DOCK11: variants seen among roughly 807,000 people sequenced by gnomAD.
The protein encoded by DOCK11 is dedicator of cytokinesis 11.
Under a neutral mutation model 169.1 loss-of-function variants are expected in DOCK11, and 70 were observed. That is an observed-to-expected ratio of 0.41 (90% CI 0.34 to 0.51). The LOEUF is 0.51. Among genes scored for constraint, DOCK11 ranks in the 20% least tolerant of loss-of-function variants. The pLI is 0.10. For missense variants in DOCK11, 1,166 were observed against 1,538.8 expected (o/e 0.76, Z 4.05); for synonymous variants, 529 against 541.3 (o/e 0.98, Z 0.32).
At chrX:118,545,244 T>A in intron 4 of DOCK11, 79 bp from the exon 5 acceptor site, 1 of 670,895 alleles carries the variant, frequency 1.5e-6, no homozygotes, top group Non-Finnish European at 2.2e-6. Context: ...GTTGTTGTCA[T>A]TATTGTTGTG....
chrX:118,535,040 C>T (rs150501732), intron 1 of DOCK11, among the ~76,000 whole-genome samples: 17 of 112,095 alleles, frequency 1.5e-4, no homozygotes, highest in African/African-American at 5.5e-4. Context: ...GCTCTCTAAG[C>T]CAGTCATGTT....
At position 118,528,518 on chromosome X, in the gene DOCK11, A is replaced by C. The variant is rs919300651; in HGVS notation, c.103-14207A>C. ...AGAATGTACAGGAGAAGGTGTAGAC[A>C]TAGTTTTGTCTGTGTCAGACACCTT... On this transcript the variant is annotated intron_variant, in intron 1 of 52. Transcript: ENST00000276202. Among the ~76,000 whole-genome samples the C allele has an allele frequency of 8.1e-5, 9 of 111,615 alleles. No homozygotes were observed. In the East Asian group the frequency reaches 8.4e-4, roughly 10 times the overall value.
chrX:118,614,682 G>C lies in DOCK11; in HGVS notation c.3097-10G>C. 8.8e-7 allele frequency: 1 copy of C among 1,136,388 alleles called. No individual in the cohort carries two copies. The allele number at this position is 1,136,388 out of a possible 1,213,427, so 93.7% of individuals were successfully genotyped here. ...GTAATTAACCCTTAGTTTTGTTTTG[G>C]TTTCTATAGCGCTGTTTGACACTAA... On this transcript the variant is annotated splice_polypyrimidine_tract_variant and intron_variant, in intron 28 of 52. Transcript: ENST00000276202.
chrX:118,638,216 T>C, intron 37 of DOCK11, 89 bp downstream of exon 37: 3 of 838,061 alleles, frequency 3.6e-6, no homozygotes, highest in Non-Finnish European at 5.2e-6. Context: ...CTAGGTTGCA[T>C]ACTTTGAGTT....
At chrX:118,576,517 G>A in intron 12 of DOCK11, among the ~76,000 whole-genome samples, 1 of 111,932 alleles carries the variant, frequency 8.9e-6, no homozygotes, top group Non-Finnish European at 1.9e-5. Context: ...GGACATCTCT[G>A]TGCCTCAGCA....
chrX:118,648,732 A>G (rs1300227357), intron 40 of DOCK11, among the ~76,000 whole-genome samples: 1 of 106,437 alleles, frequency 9.4e-6, no homozygotes, highest in Non-Finnish European at 1.9e-5. Context: ...TCTTTGTAAT[A>G]ACTTATATAC....
chrX:118,677,635 G>A (rs1261329977), intron 48 of DOCK11, among the ~76,000 whole-genome samples: 3 of 112,590 alleles, frequency 2.7e-5, no homozygotes, highest in East Asian at 2.8e-4. Context: ...TGTCTACCAC[G>A]AAAATAATCT....
chrX:118,532,840 C>T (rs1027957550), intron 1 of DOCK11, among the ~76,000 whole-genome samples: 6 of 103,610 alleles, frequency 5.8e-5, no homozygotes, highest in Admixed American at 1.0e-4. Context: ...ACAGGATAAA[C>T]GTAAATCACC....
At chrX:118,619,078 C>T (rs1441934433) in intron 31 of DOCK11, among the ~76,000 whole-genome samples, 3 of 107,998 alleles carry the variant, frequency 2.8e-5, no homozygotes, top group Non-Finnish European at 3.8e-5. Context: ...AGACTGGTCT[C>T]GAACTCCTGG....
At chrX:118,544,775 C>T (rs1297247547) in intron 4 of DOCK11, among the ~76,000 whole-genome samples, 3 of 102,388 alleles carry the variant, frequency 2.9e-5, no homozygotes, top group Non-Finnish European at 5.9e-5. Flanking sequence ...ATTCTTCTGC[C>T]TCAGCCTCCT....
At chrX:118,684,791 A>T (rs922898217) in intron 52 of DOCK11, among the ~76,000 whole-genome samples, 2 of 111,323 alleles carry the variant, frequency 1.8e-5, no homozygotes, top group Non-Finnish European at 3.8e-5. Context: ...ATGAGTTAAT[A>T]TTTTTGTAAG....
chrX:118,612,463 G>A (rs2014707488), intron 28 of DOCK11, among the ~76,000 whole-genome samples: 1 of 111,934 alleles, frequency 8.9e-6, no homozygotes, highest in Non-Finnish European at 1.9e-5. Context: ...GAACATTTTT[G>A]GTTTAGTAGC....
Position 118,641,222 on chromosome X carries a change from C to T in DOCK11, c.4177C>T (p.Gln1393Ter). Reference sequence around the variant, plus strand: ...AACAACTGAAGCAGACATTTTCCACCAGGCACTTCTTGAAGGCAATACAGC... The same window carrying T: ...AACAACTGAAGCAGACATTTTCCACTAGGCACTTCTTGAAGGCAATACAGC... ...STTTEADIFH[Q>*]ALLEGNTATE... Residue 1393 changes from glutamine to a stop codon, truncating the protein, a stop_gained, in exon 39 of 53, where the codon CAG becomes TAG. Transcript: ENST00000276202. LOFTEE classifies it high-confidence loss of function. The T allele has an allele frequency of 1.7e-6, 2 of 1,209,743 alleles. No homozygotes were observed. Among genetic ancestry groups the T allele is most frequent in the Non-Finnish European group, 2.2e-6 (2 of 893,693 alleles).
intron 9 of DOCK11, among the ~76,000 whole-genome samples, chrX:118,567,496 G>A (rs764640589): frequency 4.2e-4 from 44 of 104,733 alleles, no homozygotes; most frequent in Middle Eastern, 4.8e-3. Flanking sequence ...GCAGTAGCAC[G>A]ATCTCACCTC....
chrX:118,500,834 GT>G (rs1265868824), intron 1 of DOCK11, among the ~76,000 whole-genome samples: 1 of 110,404 alleles, frequency 9.1e-6, no homozygotes, highest in Non-Finnish European at 1.9e-5. Context: ...TAGAGACAGG[GT>G]TTCACAGTGT....
At chrX:118,542,004 GA>G (rs1014678340) in intron 1 of DOCK11, among the ~76,000 whole-genome samples, 2 of 111,506 alleles carry the variant, frequency 1.8e-5, no homozygotes, top group African/African-American at 6.5e-5. Context: ...TACAGAGTAG[GA>G]ACATGAATGT....
At chrX:118,594,709 T>C (rs1212843812) in intron 20 of DOCK11, among the ~76,000 whole-genome samples, 4 of 111,247 alleles carry the variant, frequency 3.6e-5, no homozygotes, top group East Asian at 2.8e-4. Flanking sequence ...TAGAAAGTGG[T>C]GTTTAAGAAA....
intron 28 of DOCK11, among the ~76,000 whole-genome samples, chrX:118,614,223 T>C (rs2014754797): frequency 9.0e-6 from 1 of 111,470 alleles, no homozygotes; most frequent in African/African-American, 3.3e-5. Context: ...AAAACTCTTT[T>C]GGTCTGAATT....
At chrX:118,576,396 C>T (rs2013448116) in intron 12 of DOCK11, among the ~76,000 whole-genome samples, 1 of 111,852 alleles carries the variant, frequency 8.9e-6, no homozygotes, top group African/African-American at 3.3e-5. Flanking sequence ...TTCTCTCTGG[C>T]CACCTTTTGC....
Sources: gnomAD v4.1 joint callset for allele counts (sites outside exome capture counted in the v4.1 genomes callset) on GRCh38, gnomAD v4.1.1 for gene constraint, MANE v1.5 for transcripts, NCBI Gene and HGNC (gene_info 2026-07-23, HGNC 2026-07-21) for gene names.